BCR: variants seen among roughly 807,000 people sequenced by gnomAD.
BCR encodes breakpoint cluster region protein.
In BCR, 58 loss-of-function variants were observed where a neutral mutation model predicts 138.6. The observed-to-expected ratio is 0.42, with a 90% CI of 0.34 to 0.52. BCR has a LOEUF of 0.52. Among genes scored for constraint, BCR ranks in the 20% least tolerant of loss-of-function variants. The pLI is 0.06. For synonymous variants in BCR, 786 were observed against 730.1 expected, an observed-to-expected ratio of 1.08 and a Z score of -1.23; for missense variants, 1,599 against 1,727.2, an observed-to-expected ratio of 0.93 and a Z score of 1.32.
At chr22:23,244,369 G>A (rs1411837060) in intron 1 of BCR, among the ~76,000 whole-genome samples, 2 of 152,202 alleles carry the variant, frequency 1.3e-5, no homozygotes, top group Non-Finnish European at 2.9e-5. Context: ...GGATATGAAC[G>A]TGTTCCTTTG....
At chr22:23,229,812 C>T (rs1490244691) in intron 1 of BCR, among the ~76,000 whole-genome samples, 1 of 152,198 alleles carries the variant, frequency 6.6e-6, no homozygotes, top group Non-Finnish European at 1.5e-5. Flanking sequence ...CCTGAGGGTC[C>T]ACTGTTGCTG....
In BCR at chr22:23,181,247, G is replaced by T. The variant is rs766735187; in HGVS notation, c.287G>T (p.Arg96Leu). 4.8e-6 allele frequency: 6 copies of T among 1,239,526 alleles called. No homozygotes were observed. The highest frequency in any genetic ancestry group is 6.1e-6 in the Non-Finnish European group (6 of 984,232). 76.8% of individuals were successfully genotyped at this position (1,239,526 alleles called of 1,614,324 possible). ...TCCGAGCCCCGAGCGTCCGCGTCGC[G>T]CCCGCAGCCAGCGCCCGCCGACGGA... is the stretch of plus-strand genomic sequence containing the variant. ...GASEPRASAS[R>L]PQPAPADGAD... The change falls in exon 1 of 23, where the codon CGC becomes CTC. Residue 96 changes from arginine (R) to leucine (L), a missense_variant. This residue lies in a region of BCR where 806 missense variants were observed against 635.0 expected (regional missense o/e 1.27). Coordinates refer to ENST00000305877, the MANE Select transcript of BCR (RefSeq NM_004327.4).
chr22:23,237,231 A>G (rs1355750937), intron 1 of BCR, among the ~76,000 whole-genome samples: 3 of 152,160 alleles, frequency 2.0e-5, no homozygotes, highest in Admixed American at 1.3e-4. Context: ...GGATCTGCTC[A>G]TTTGGCTGGG....
At chr22:23,209,232 C>T (rs898526071) in intron 1 of BCR, among the ~76,000 whole-genome samples, 21 of 151,990 alleles carry the variant, frequency 1.4e-4, no homozygotes, top group Admixed American at 7.2e-4. Flanking sequence ...TGGTGGCACA[C>T]GCCTCTAGTC....
intron 1 of BCR, among the ~76,000 whole-genome samples, chr22:23,210,138 C>T (rs1314311857): frequency 6.6e-6 from 1 of 152,084 alleles, no homozygotes; most frequent in East Asian, 1.9e-4. Context: ...ATCTTAAAGA[C>T]TTAGGCTGGG....
intron 2 of BCR, among the ~76,000 whole-genome samples, chr22:23,260,610 CCTGA>C (rs1260627420): frequency 6.6e-6 from 1 of 152,220 alleles, no homozygotes; most frequent in African/African-American, 2.4e-5. Flanking sequence ...CTTCTCCTTC[CCTGA>C]CTGTGTCAGG....
intron 11 of BCR, 76 bp from the exon 12 acceptor site, chr22:23,288,020 TA>T: frequency 7.1e-7 from 1 of 1,403,202 alleles, no homozygotes; most frequent in Non-Finnish European, 1.0e-6. Flanking sequence ...TTGTGTGCTC[TA>T]AGGTGCCCCG....
chr22:23,247,639 G>T (rs927856486), intron 1 of BCR, among the ~76,000 whole-genome samples: 2 of 152,284 alleles, frequency 1.3e-5, no homozygotes, highest in East Asian at 1.9e-4. Flanking sequence ...AGGATCTGGG[G>T]TCTCTCTAGG....
intron 1 of BCR, among the ~76,000 whole-genome samples, chr22:23,220,587 T>G (rs984716331): frequency 1.3e-5 from 2 of 152,160 alleles, no homozygotes; most frequent in African/African-American, 4.8e-5. Context: ...GGGGAGTGCG[T>G]TTCTTCTCCA....
chr22:23,217,322 A>C (rs1010610505), intron 1 of BCR, among the ~76,000 whole-genome samples: 5 of 152,254 alleles, frequency 3.3e-5, no homozygotes, highest in African/African-American at 1.2e-4. Context: ...ATAAACTTGC[A>C]GGCTCGGCCA....
intron 1 of BCR, among the ~76,000 whole-genome samples, chr22:23,208,104 G>A (rs1029565398): frequency 2.0e-5 from 3 of 152,226 alleles, no homozygotes; most frequent in Admixed American, 6.5e-5. Flanking sequence ...AAACAGACAC[G>A]CTGGAGCTTC....
intron 1 of BCR, among the ~76,000 whole-genome samples, chr22:23,244,705 G>T (rs895549097): frequency 6.6e-6 from 1 of 152,226 alleles, no homozygotes; most frequent in Admixed American, 6.5e-5. Flanking sequence ...AAGTACATTT[G>T]TCTGGGGCTA....
At chr22:23,287,899 G>T (rs1032312116) in intron 11 of BCR, among the ~76,000 whole-genome samples, 198 bp from the exon 12 acceptor site, 3 of 152,228 alleles carry the variant, frequency 2.0e-5, no homozygotes, top group African/African-American at 7.2e-5. Flanking sequence ...GAGATGGTGT[G>T]CCAGAGGTGC....
intron 1 of BCR, among the ~76,000 whole-genome samples, chr22:23,205,406 C>T (rs1049926388): frequency 1.3e-5 from 2 of 152,200 alleles, no homozygotes; most frequent in Non-Finnish European, 2.9e-5. Context: ...ACGGATCTGC[C>T]GGTGTTCCCT....
intron 18 of BCR, among the ~76,000 whole-genome samples, chr22:23,311,471 G>T (rs1163255252): frequency 2.6e-5 from 4 of 151,850 alleles, no homozygotes; most frequent in Admixed American, 2.0e-4. Context: ...TGTGTGATTC[G>T]CAGGGGTTCT....
chr22:23,208,364 A>C lies in BCR; in HGVS notation c.1279+26125A>C, dbSNP rs77754260. On this transcript the variant is annotated intron_variant, in intron 1 of 22. Transcript: ENST00000305877. The stretch of plus-strand genomic sequence containing the variant: ...GACCCCCACTTACCAGGCCCAGAGC[A>C]TGCATGGTGGACTGTGGGAGATAGT... Among the ~76,000 whole-genome samples, 1,413 of 151,906 alleles carry C rather than the reference A, an allele frequency of 9.3e-3. 16 individuals carry two copies. The highest frequency in any genetic ancestry group is 0.032 in the African/African-American group (1,333 of 41,430).
At chr22:23,184,126 C>T (rs985588174) in intron 1 of BCR, among the ~76,000 whole-genome samples, 1 of 152,186 alleles carries the variant, frequency 6.6e-6, no homozygotes, top group African/African-American at 2.4e-5. Flanking sequence ...TCTGGCTCTG[C>T]CATCCAGGTT....
chr22:23,229,482 T>C (rs950294955), intron 1 of BCR, among the ~76,000 whole-genome samples: 43 of 152,128 alleles, frequency 2.8e-4, no homozygotes, highest in African/African-American at 1.0e-3. Context: ...TCTGAAAATG[T>C]TGACTGATTT....
At chr22:23,199,122 CAA>C (rs371236578) in intron 1 of BCR, 2,807 of 242,252 alleles carry the variant, frequency 0.012, no homozygotes, top group South Asian at 0.02. Context: ...AACTCCGTCT[CAA>C]AAAAAAAAAA....
Sources: allele counts gnomAD v4.1 joint callset (sites outside exome capture counted in the v4.1 genomes callset), GRCh38; gene constraint gnomAD v4.1.1; regional missense constraint gnomAD v4.1.1; transcripts MANE v1.5; gene names NCBI Gene and HGNC (gene_info 2026-07-23, HGNC 2026-07-21).